The following GTF2H1 variants were observed in gnomAD, a reference collection of about 807,000 sequenced individuals.
GTF2H1 encodes general transcription factor IIH subunit 1, also known as BTF2 p62.
GTF2H1 carries 16 observed loss-of-function variants against 71.2 expected under a neutral mutation model. That is an observed-to-expected ratio of 0.22 (90% CI 0.15 to 0.34). The LOEUF (loss-of-function observed/expected upper bound fraction) is 0.34, where lower values mean the gene tolerates loss of function less well. Ranked by LOEUF, GTF2H1 falls within the 10% of genes least tolerant of loss-of-function variation. The probability of loss-of-function intolerance (pLI) is 1.00; values close to 1 mark genes in which losing one functional copy is unlikely to be tolerated. For missense variants in GTF2H1, 498 were observed against 648.2 expected, an observed-to-expected ratio of 0.77 and a Z score of 2.52; for synonymous variants, 215 against 219.0, an observed-to-expected ratio of 0.98 and a Z score of 0.16.
intron 1 of GTF2H1, among the ~76,000 whole-genome samples, chr11:18,325,735 G>C (rs1864747165): frequency 1.3e-5 from 2 of 152,090 alleles, no homozygotes; most frequent in African/African-American, 4.8e-5. Context: ...AATGTACAAA[G>C]GCTCAGAGCA....
At chr11:18,339,939 G>A (rs571982243) in intron 5 of GTF2H1, among the ~76,000 whole-genome samples, 4 of 152,116 alleles carry the variant, frequency 2.6e-5, no homozygotes, top group South Asian at 4.1e-4. Context: ...ATTACTTCCC[G>A]TGCAGATGCC....
At chr11:18,333,922 G>A (rs1023339132) in intron 2 of GTF2H1, among the ~76,000 whole-genome samples, 1 of 152,214 alleles carries the variant, frequency 6.6e-6, no homozygotes, top group Non-Finnish European at 1.5e-5. Context: ...TATAGTGAAT[G>A]TAGGTGGTGG....
At chr11:18,352,298 G>C (rs1865445555) in intron 10 of GTF2H1, 31 bp from the exon 11 acceptor site, 1 of 937,796 alleles carries the variant, frequency 1.1e-6, no homozygotes, top group Non-Finnish European at 1.7e-6. Context: ...TACTGTGTGT[G>C]ATTAGTAATT....
At chr11:18,344,163 A>G (rs4150622) in intron 7 of GTF2H1, among the ~76,000 whole-genome samples, 109,595 of 151,710 alleles carry the variant, frequency 0.72, 39,999 homozygotes, top group East Asian at 0.97. Flanking sequence ...CAGTGTATCA[A>G]CAAGCCTCGT....
chr11:18,361,572 G>A (rs1260220152), intron 14 of GTF2H1, among the ~76,000 whole-genome samples: 1 of 152,198 alleles, frequency 6.6e-6, no homozygotes, highest in African/African-American at 2.4e-5. Flanking sequence ...GGGAGGCTGA[G>A]ACAGGAGAAT....
intron 13 of GTF2H1, among the ~76,000 whole-genome samples, chr11:18,359,541 C>A (rs1191110430): frequency 6.6e-6 from 1 of 151,880 alleles, no homozygotes; most frequent in Non-Finnish European, 1.5e-5. Flanking sequence ...AATGAAACTT[C>A]AAATGAAATT....
chr11:18,364,873 A>T (rs965899193), intron 14 of GTF2H1, among the ~76,000 whole-genome samples: 1 of 152,138 alleles, frequency 6.6e-6, no homozygotes, highest in African/African-American at 2.4e-5. Flanking sequence ...CTTGGGTCTC[A>T]TCCCAGGCCT....
intron 14 of GTF2H1, among the ~76,000 whole-genome samples, chr11:18,364,189 TTA>T (rs1307569312): frequency 6.6e-6 from 1 of 152,164 alleles, no homozygotes; most frequent in Non-Finnish European, 1.5e-5. Flanking sequence ...TAAGTAATTT[TTA>T]TAGTTTCCAG....
intron 7 of GTF2H1, among the ~76,000 whole-genome samples, chr11:18,343,736 C>A (rs1255450133): frequency 3.9e-5 from 6 of 152,182 alleles, no homozygotes; most frequent in Admixed American, 2.6e-4. Context: ...ATCTTTGATT[C>A]CCATCCTCAT....
At chr11:18,323,022 CCAGA>C (rs1864566938) in intron 1 of GTF2H1, among the ~76,000 whole-genome samples, 1 of 152,286 alleles carries the variant, frequency 6.6e-6, no homozygotes, top group South Asian at 2.1e-4. Flanking sequence ...GAGGCCTCTC[CCAGA>C]CAGAGAAGCC....
At chr11:18,359,966 A>T (rs1171191708) in intron 13 of GTF2H1, among the ~76,000 whole-genome samples, 2 of 151,774 alleles carry the variant, frequency 1.3e-5, no homozygotes, top group African/African-American at 4.8e-5. Context: ...TACAAAAATT[A>T]TGAAAAGTAG....
intron 3 of GTF2H1, among the ~76,000 whole-genome samples, chr11:18,336,197 G>A (rs1484006350): frequency 1.3e-5 from 2 of 152,056 alleles, no homozygotes; most frequent in East Asian, 1.9e-4. Context: ...CACAATCTTG[G>A]CTCGCTGCAA....
intron 5 of GTF2H1, among the ~76,000 whole-genome samples, chr11:18,340,379 C>G (rs1218349311): frequency 6.6e-6 from 1 of 152,136 alleles, no homozygotes; most frequent in Non-Finnish European, 1.5e-5. Context: ...CCTCCGCCTC[C>G]CAGGCTCAAG....
At chr11:18,360,119 A>AT in intron 13 of GTF2H1, among the ~76,000 whole-genome samples, 1 of 151,316 alleles carries the variant, frequency 6.6e-6, no homozygotes, top group East Asian at 2.0e-4. Context: ...ATGAGTTGGG[A>AT]TTTTTTGTTG....
At chr11:18,345,439 A>G (rs1013400967) in intron 7 of GTF2H1, among the ~76,000 whole-genome samples, 21 of 151,312 alleles carry the variant, frequency 1.4e-4, no homozygotes, top group Admixed American at 4.6e-4. Flanking sequence ...TTCCTAGCGC[A>G]TGTCATGTAG....
Position 18,351,933 on chromosome 11 carries a change from T to C in GTF2H1, c.1106T>C (p.Val369Ala). 6.2e-7 allele frequency: 1 copy of C among 1,600,526 alleles called. No homozygotes were observed. The highest frequency in any genetic ancestry group is 8.6e-7 in the Non-Finnish European group (1 of 1,167,888). ...EYEDLGKNNS[V>A]KTIALNLKKS... ...GAAGACTTGGGGAAAAATAATTCTG[T>C]AAAAACGATTGCACTAAACCTCAAG... Residue 369 changes from valine (V) to alanine (A), a missense_variant, in exon 10 of 15, where the codon GTA (valine) becomes GCA (alanine). This residue lies in a region of GTF2H1 where 266 missense variants were observed against 301.6 expected (regional missense o/e 0.88). Coordinates refer to ENST00000265963, the MANE Select transcript of GTF2H1 (RefSeq NM_005316.4).
At chr11:18,347,397 C>T (rs1247595836) in intron 7 of GTF2H1, 191 bp from the exon 8 acceptor site, 14 of 482,682 alleles carry the variant, frequency 2.9e-5, no homozygotes, top group East Asian at 1.0e-4. Context: ...AATGCTAAAA[C>T]GAGTTAGTGC....
At chr11:18,336,307 A>G (rs4150582) in intron 3 of GTF2H1, among the ~76,000 whole-genome samples, 41 of 151,944 alleles carry the variant, frequency 2.7e-4, no homozygotes, top group South Asian at 6.2e-4. Flanking sequence ...TTGTAATTTT[A>G]ATAGAGACAG....
chr11:18,335,806 A>T lies in GTF2H1; in HGVS notation c.207A>T (p.Leu69=), dbSNP rs774838133. ...GKAKIQLQLV[L]HAGDTTNFHF... is the part of the protein sequence containing the mutation. ...CTAAAATTCAGCTTCAGCTGGTCCT[A>T]CATGCAGGGGACACAACTAACTTCC... Residue 69 remains leucine, a synonymous_variant, in exon 3 of 15, where the codon CTA becomes CTT. Transcript: ENST00000265963. 1 of 1,614,090 alleles carries T rather than the reference A, an allele frequency of 6.2e-7. No individual in the cohort carries two copies. The highest frequency in any genetic ancestry group is 2.2e-5 in the East Asian group (1 of 44,880).
Sources: allele counts gnomAD v4.1 joint callset (sites outside exome capture counted in the v4.1 genomes callset), GRCh38; gene constraint gnomAD v4.1.1; regional missense constraint gnomAD v4.1.1; transcripts MANE v1.5; gene names NCBI Gene and HGNC (gene_info 2026-07-23, HGNC 2026-07-21).